Variants in METTL4 observed in about 807,000 individuals in gnomAD.
METTL4 encodes N(6)-adenine-specific methyltransferase METTL4.
In METTL4, 40 loss-of-function variants were observed where a neutral mutation model predicts 54.0. The ratio of observed to expected loss-of-function variants is 0.74; its 90% confidence interval spans 0.58 to 0.96. METTL4 has a LOEUF of 0.96. METTL4 is among the 50% of genes least tolerant of loss of function. The pLI, the probability that METTL4 is intolerant of heterozygous loss-of-function variation, is 0.00. For synonymous variants in METTL4, 169 were observed against 183.8 expected (o/e 0.92, Z 0.65); for missense variants, 525 against 549.0 (o/e 0.96, Z 0.44).
intron 3 of METTL4, chr18:2,562,145 G>A (rs1226351563): frequency 6.5e-6 from 1 of 152,834 alleles, no homozygotes; most frequent in Non-Finnish European, 1.5e-5. Flanking sequence ...GCCAAGGCAG[G>A]AGGACTGCTT....
Position 2,571,483 on chromosome 18 carries a change from C to A in METTL4, c.-773G>T, listed in dbSNP as rs571815877. On this transcript the variant is annotated 5_prime_UTR_variant, in exon 1 of 9. Coordinates refer to ENST00000574538, the MANE Select transcript of METTL4 (RefSeq NM_022840.5). ...CTGGGCGCGACCAGCACGCAGCCTT[C>A]CAGCGACGAGGCGGTCGCATGGAAG... 6.6e-6 allele frequency: 1 copy of A among 152,236 alleles called. No homozygotes were observed. The highest frequency in any genetic ancestry group is 2.4e-5 in the African/African-American group (1 of 41,468). 9.4% of individuals were successfully genotyped at this position (152,236 alleles called of 1,614,324 possible).
Position 2,537,678 on chromosome 18 carries a change from A to G in METTL4, c.*1322T>C, listed in dbSNP as rs193238705. On this transcript the variant is annotated 3_prime_UTR_variant, in exon 9 of 9. Coordinates refer to ENST00000574538, the MANE Select transcript of METTL4 (RefSeq NM_022840.5). Reference sequence around the variant, plus strand: ...CAAAAATAACATATTTTTCTTTGACAAAATCAGTAAATTGGCAAGCTTGTC... The same window carrying G: ...CAAAAATAACATATTTTTCTTTGACGAAATCAGTAAATTGGCAAGCTTGTC... The G allele has an allele frequency of 9.1e-4, 359 of 392,958 alleles. 6 individuals carry two copies. The East Asian group carries it at 0.012, about 13-fold the overall frequency. The allele number at this position is 392,958 out of a possible 1,614,324, so 24.3% of individuals were successfully genotyped here. A position where few individuals can be genotyped will look rare whatever the true frequency, so the allele number is the denominator to read the frequency against.
chr18:2,538,023 C>T lies in METTL4; in HGVS notation c.*977G>A. On this transcript the variant is annotated 3_prime_UTR_variant, in exon 9 of 9. Transcript: ENST00000574538. ...ACTGTATATATGTTTTCAAAATTCA[C>T]TGAATTTGACACTGAAAATTGGAGA... 1 of 398,188 alleles carries T rather than the reference C, an allele frequency of 2.5e-6. No individual in the cohort carries two copies. Among genetic ancestry groups the T allele is most frequent in the Non-Finnish European group, 4.4e-6 (1 of 225,802 alleles). 24.7% of individuals were successfully genotyped at this position (398,188 alleles called of 1,614,324 possible).
In METTL4 at chr18:2,538,207, C is replaced by T. The variant is rs1003950690; in HGVS notation, c.*793G>A. On this transcript the variant is annotated 3_prime_UTR_variant, in exon 9 of 9. Coordinates refer to ENST00000574538, the MANE Select transcript of METTL4 (RefSeq NM_022840.5). Reference sequence around the variant, plus strand: ...ATTTTTTTCACAATCACACTGTTTACTTGCTGCCATGTTTATTATAAGGAA... The same window carrying T: ...ATTTTTTTCACAATCACACTGTTTATTTGCTGCCATGTTTATTATAAGGAA... The T allele has an allele frequency of 6.3e-6, 2 of 317,360 alleles. No homozygotes were observed. The highest frequency in any genetic ancestry group is 1.1e-5 in the Non-Finnish European group (2 of 177,066). The allele number at this position is 317,360 out of a possible 1,614,324, so 19.7% of individuals were successfully genotyped here.
intron 5 of METTL4, among the ~76,000 whole-genome samples, chr18:2,552,287 C>A (rs561669945): frequency 3.0e-4 from 45 of 151,928 alleles, no homozygotes; most frequent in African/African-American, 1.0e-3. Context: ...AACTTATCGC[C>A]CTAAGAAGTA....
chr18:2,540,924 T>C (rs2071985168), intron 8 of METTL4: 2 of 985,216 alleles, frequency 2.0e-6, no homozygotes, highest in African/African-American at 3.5e-5. Context: ...GAGCACCCAC[T>C]ATAATCAGTG....
chr18:2,541,148 T>C (rs1201712159), intron 8 of METTL4, among the ~76,000 whole-genome samples: 1 of 152,210 alleles, frequency 6.6e-6, no homozygotes, highest in Non-Finnish European at 1.5e-5. Flanking sequence ...GTTTTTATAA[T>C]GTTAACTACA....
At position 2,555,604 on chromosome 18, in the gene METTL4, A is replaced by C. The variant is rs1033265179; in HGVS notation, c.460-566T>G. 6 of 152,316 alleles carry C rather than the reference A, an allele frequency of 3.9e-5. 1 individual carries two copies. The East Asian group carries it at 1.2e-3, about 29-fold the overall frequency. 9.4% of individuals were successfully genotyped at this position (152,316 alleles called of 1,614,324 possible). A position where few individuals can be genotyped will look rare whatever the true frequency, so the allele number is the denominator to read the frequency against. On this transcript the variant is annotated intron_variant, in intron 3 of 8. Transcript: ENST00000574538. ...AAATAAACATACCTTTTCTTTCACAAAACATAGCTTGAATTATAAAGAAAA... is the reference window on the plus strand; with the variant it reads ...AAATAAACATACCTTTTCTTTCACACAACATAGCTTGAATTATAAAGAAAA...
chr18:2,552,219 G>A (rs73376270), intron 5 of METTL4, among the ~76,000 whole-genome samples: 15,029 of 151,176 alleles, frequency 0.099, 1,290 homozygotes, highest in African/African-American at 0.23. Context: ...AATAAAATAA[G>A]GAATTGAAAG....
At chr18:2,564,100 G>A (rs2072364706) in intron 2 of METTL4, among the ~76,000 whole-genome samples, 1 of 152,076 alleles carries the variant, frequency 6.6e-6, no homozygotes, top group African/African-American at 2.4e-5. Context: ...AGCTTTATCT[G>A]CTATTAATAA....
chr18:2,537,560 T>C lies in METTL4; in HGVS notation c.*1440A>G, dbSNP rs1325473606. ...AGAAGTTTGCTTCAAGTTTAATACC[T>C]TTTTCCTTTTAAATAACAAGTTAGA... On this transcript the variant is annotated 3_prime_UTR_variant, in exon 9 of 9. Transcript: ENST00000574538. 4.3e-6 allele frequency: 1 copy of C among 230,670 alleles called. No homozygotes were observed. Among genetic ancestry groups the C allele is most frequent in the Non-Finnish European group, 8.3e-6 (1 of 120,264 alleles). 14.3% of individuals were successfully genotyped at this position (230,670 alleles called of 1,614,324 possible). A position where few individuals can be genotyped will look rare whatever the true frequency, so the allele number is the denominator to read the frequency against.
In METTL4 at chr18:2,545,723, T is replaced by A. The variant is rs192820088; in HGVS notation, c.1075-964A>T. On this transcript the variant is annotated intron_variant, in intron 6 of 8. Transcript: ENST00000574538. ...TAATCAGAAAGTCTTTTATCTCCTC[T>A]AGGGCCAATCAGACACAGCATATCC... is the stretch of plus-strand genomic sequence containing the variant. Among the ~76,000 whole-genome samples, 16 of 152,234 alleles carry A rather than the reference T, an allele frequency of 1.1e-4. No homozygotes were observed. In the East Asian group the frequency reaches 2.7e-3, roughly 26 times the overall value.
chr18:2,538,128 C>G lies in METTL4; in HGVS notation c.*872G>C. 1 of 390,450 alleles carries G rather than the reference C, an allele frequency of 2.6e-6. No individual in the cohort carries two copies. Among genetic ancestry groups the G allele is most frequent in the Non-Finnish European group, 4.5e-6 (1 of 221,670 alleles). The allele number at this position is 390,450 out of a possible 1,614,324, so 24.2% of individuals were successfully genotyped here. The stretch of plus-strand genomic sequence containing the variant: ...ATGCATTTCAAAGAATCATTTCAGT[C>G]AAAATATTTTACTTGGTAGACAAAT... On this transcript the variant is annotated 3_prime_UTR_variant, in exon 9 of 9. Transcript: ENST00000574538.
intron 5 of METTL4, among the ~76,000 whole-genome samples, chr18:2,548,953 T>C (rs2072111945): frequency 6.6e-6 from 1 of 152,238 alleles, no homozygotes; most frequent in South Asian, 2.1e-4. Flanking sequence ...ATTAAAAGTT[T>C]ATAAAATCCA....
chr18:2,570,600 T>C (rs1433219010), intron 1 of METTL4, among the ~76,000 whole-genome samples: 5 of 152,156 alleles, frequency 3.3e-5, no homozygotes, highest in Non-Finnish European at 5.9e-5. Context: ...GGTTGCCTAA[T>C]TTTCATATAA....
In METTL4 at chr18:2,566,925, GT is replaced by G; in HGVS notation, c.291del (p.Lys97AsnfsTer4). 1 of 1,614,006 alleles carries G rather than the reference GT, an allele frequency of 6.2e-7. No individual in the cohort carries two copies. Among genetic ancestry groups the G allele is most frequent in the African/African-American group, 1.3e-5 (1 of 75,040 alleles). On this transcript the variant is annotated frameshift_variant, in exon 2 of 9. Coordinates refer to ENST00000574538, the MANE Select transcript of METTL4 (RefSeq NM_022840.5). LOFTEE classifies it high-confidence loss of function. ...TTATGAACAGCTGGAGTTATATAAG[GT>G]TTGGTGACATCAAACAGTTCAGGTC... ...VFRPELFDVT[K>X]PYITPAVHKE...
intron 2 of METTL4, among the ~76,000 whole-genome samples, 178 bp from the exon 3 acceptor site, chr18:2,564,037 A>T (rs558578209): frequency 6.6e-6 from 1 of 152,312 alleles, no homozygotes; most frequent in Admixed American, 6.5e-5. Context: ...AAGCTTTCCC[A>T]AAGTAAATTA....
chr18:2,550,902 C>T (rs566662781), intron 5 of METTL4, among the ~76,000 whole-genome samples: 38 of 152,242 alleles, frequency 2.5e-4, no homozygotes, highest in Non-Finnish European at 5.3e-4. Flanking sequence ...CGGTGGCTCA[C>T]GCCTGTAATC....
chr18:2,558,035 C>T (rs751064355), intron 3 of METTL4, among the ~76,000 whole-genome samples: 5 of 152,178 alleles, frequency 3.3e-5, no homozygotes, highest in African/African-American at 4.8e-5. Context: ...TCTAAAGACA[C>T]AGAAGTTCTG....
Sources: gnomAD v4.1 joint callset for allele counts (sites outside exome capture counted in the v4.1 genomes callset) on GRCh38, gnomAD v4.1.1 for gene constraint, MANE v1.5 for transcripts, NCBI Gene and HGNC (gene_info 2026-07-23, HGNC 2026-07-21) for gene names.